RBFOX1: variants seen among roughly 807,000 people sequenced by gnomAD.
The protein encoded by RBFOX1 is RNA binding protein fox-1 homolog 1.
A neutral mutation model predicts 57.7 loss-of-function variants in RBFOX1; 8 were observed. The ratio of observed to expected loss-of-function variants is 0.14; its 90% CI spans 0.08 to 0.25. The LOEUF is 0.25. Ranked by LOEUF, RBFOX1 falls within the 10% of genes least tolerant of loss-of-function variation. The probability of loss-of-function intolerance (pLI) is 1.00; values close to 1 mark genes in which losing one functional copy is unlikely to be tolerated. For synonymous variants in RBFOX1, 326 were observed against 222.4 expected, an observed-to-expected ratio of 1.47 and a Z score of -4.15; for missense variants, 611 against 548.5, an observed-to-expected ratio of 1.11 and a Z score of -1.14.
chr16:6,616,810 G>A (rs1039813221), intron 2 of RBFOX1, among the ~76,000 whole-genome samples: 12 of 152,180 alleles, frequency 7.9e-5, no homozygotes, highest in Non-Finnish European at 1.2e-4. Context: ...TCTGATTAAT[G>A]CTGCCATAAT....
chr16:5,599,276 C>T (rs763132560), exon 3 of RBFOX1: 6 of 649,466 alleles, frequency 9.2e-6, no homozygotes, highest in Admixed American at 2.3e-5. Context: ...TCCCTCTGCG[C>T]CCTGGTGTGA....
intron 3 of RBFOX1, among the ~76,000 whole-genome samples, chr16:6,903,190 A>C (rs551811338): frequency 6.6e-6 from 1 of 152,292 alleles, no homozygotes; most frequent in South Asian, 2.1e-4. Flanking sequence ...ACAGCCATAT[A>C]CAAAGATCTG....
chr16:5,453,311 A>T (rs2068484521), intron 1 of RBFOX1, among the ~76,000 whole-genome samples: 1 of 152,226 alleles, frequency 6.6e-6, no homozygotes, highest in Non-Finnish European at 1.5e-5. Flanking sequence ...GAAGGGTTCC[A>T]GGAAGAAAAT....
intron 3 of RBFOX1, among the ~76,000 whole-genome samples, chr16:6,804,651 T>G (rs2086293448): frequency 6.6e-6 from 1 of 152,218 alleles, no homozygotes; most frequent in African/African-American, 2.4e-5. Flanking sequence ...GAGAATGAAC[T>G]ATTCATTAGA....
At chr16:7,552,305 T>C (rs2086802881) in intron 5 of RBFOX1, among the ~76,000 whole-genome samples, 1 of 152,222 alleles carries the variant, frequency 6.6e-6, no homozygotes, top group South Asian at 2.1e-4. Context: ...GTTTCTTATG[T>C]AATCCATAGA....
intron 4 of RBFOX1, among the ~76,000 whole-genome samples, chr16:5,867,655 T>A (rs1261274009): frequency 1.3e-5 from 2 of 152,210 alleles, no homozygotes; most frequent in East Asian, 3.8e-4. Flanking sequence ...GTCTGTATTA[T>A]ATAGTTTCCC....
intron 5 of RBFOX1, among the ~76,000 whole-genome samples, chr16:7,542,128 A>G (rs1014153444): frequency 6.6e-5 from 10 of 152,214 alleles, no homozygotes; most frequent in Non-Finnish European, 1.3e-4. Context: ...TGATGAATGC[A>G]ACAAGGGCTG....
chr16:6,686,529 A>C (rs554236294), intron 3 of RBFOX1, among the ~76,000 whole-genome samples: 9 of 152,260 alleles, frequency 5.9e-5, no homozygotes, highest in Admixed American at 2.6e-4. Flanking sequence ...CCATCCATGA[A>C]ATTATATACA....
intron 1 of RBFOX1, among the ~76,000 whole-genome samples, chr16:6,238,896 T>G (rs1326335645): frequency 6.6e-6 from 1 of 152,220 alleles, no homozygotes; most frequent in African/African-American, 2.4e-5. Flanking sequence ...CTTTGTTTTA[T>G]AAACATCCAA....
chr16:7,448,706 G>T (rs180740175), intron 4 of RBFOX1, among the ~76,000 whole-genome samples: 1 of 152,206 alleles, frequency 6.6e-6, no homozygotes, highest in African/African-American at 2.4e-5. Context: ...GCAATCCTGG[G>T]TGATCCTTAG....
rs904215462 is a variant in RBFOX1, at chr16:6,816,145, A to G, written c.-16+161495A>G. On this transcript the variant is annotated intron_variant, in intron 3 of 15. Transcript: ENST00000550418. ...CAACATGAGGAGACCCCGTCTCTAC[A>G]AAATTTTTATTTTTAATTAGGTAGG... 4.6e-5 allele frequency among the ~76,000 whole-genome samples: 7 copies of G among 152,030 alleles called. No individual in the cohort carries two copies. The East Asian group carries it at 7.8e-4, about 17-fold the overall frequency.
intron 3 of RBFOX1, among the ~76,000 whole-genome samples, chr16:5,788,852 GC>G (rs1377474459): frequency 1.3e-5 from 2 of 151,912 alleles, no homozygotes; most frequent in African/African-American, 4.8e-5. Context: ...AATCTAAGAG[GC>G]CCCAAAAGCA....
intron 5 of RBFOX1, among the ~76,000 whole-genome samples, chr16:7,579,090 A>G (rs2093555110): frequency 6.6e-6 from 1 of 152,226 alleles, no homozygotes; most frequent in Non-Finnish European, 1.5e-5. Context: ...AGCGCTTGAA[A>G]TGCAGCTAAT....
At chr16:6,846,542 A>C (rs1486211396) in intron 3 of RBFOX1, among the ~76,000 whole-genome samples, 2 of 152,214 alleles carry the variant, frequency 1.3e-5, no homozygotes, top group Non-Finnish European at 2.9e-5. Flanking sequence ...GGAGGAATCA[A>C]GGGAGCTGTT....
At chr16:6,991,427 C>G (rs969980252) in intron 3 of RBFOX1, among the ~76,000 whole-genome samples, 2 of 152,204 alleles carry the variant, frequency 1.3e-5, no homozygotes, top group Admixed American at 1.3e-4. Context: ...AAGCTCATAT[C>G]CCATAGGGGA....
At chr16:6,990,910 G>C (rs1203351668) in intron 3 of RBFOX1, among the ~76,000 whole-genome samples, 1 of 152,018 alleles carries the variant, frequency 6.6e-6, no homozygotes, top group Admixed American at 6.6e-5. Flanking sequence ...ATAGAAAAGT[G>C]ACTCTCGCAA....
chr16:7,032,916 A>C (rs1285341940), intron 3 of RBFOX1, among the ~76,000 whole-genome samples: 1 of 152,160 alleles, frequency 6.6e-6, no homozygotes, highest in Non-Finnish European at 1.5e-5. Flanking sequence ...TTTGGGAAGG[A>C]GGCTTTTCCT....
At chr16:7,364,234 C>T (rs1270523719) in intron 4 of RBFOX1, among the ~76,000 whole-genome samples, 1 of 152,132 alleles carries the variant, frequency 6.6e-6, no homozygotes, top group African/African-American at 2.4e-5. Context: ...TAGCGGCTTT[C>T]CCATCTTCTA....
intron 3 of RBFOX1, among the ~76,000 whole-genome samples, chr16:6,974,440 G>A (rs1018063322): frequency 7.1e-6 from 1 of 140,004 alleles, no homozygotes; most frequent in Non-Finnish European, 1.5e-5. Flanking sequence ...CGCCTCCCAG[G>A]TTCAAGGAAT....
Sources: allele counts gnomAD v4.1 joint callset (sites outside exome capture counted in the v4.1 genomes callset), GRCh38; gene constraint gnomAD v4.1.1; transcripts MANE v1.5; gene names NCBI Gene and HGNC (gene_info 2026-07-23, HGNC 2026-07-21).